KHDRBS2: variants seen among roughly 807,000 people sequenced by gnomAD.
KHDRBS2 encodes KH domain-containing, RNA-binding, signal transduction-associated protein 2.
In KHDRBS2, 26 loss-of-function variants were observed where a neutral mutation model predicts 44.3. The observed-to-expected ratio is 0.59, with a 90% confidence interval of 0.43 to 0.81. The LOEUF (loss-of-function observed/expected upper bound fraction) is 0.81. Among genes scored for constraint, KHDRBS2 ranks in the 40% least tolerant of loss-of-function variants. KHDRBS2 has a pLI of 0.00. For missense variants in KHDRBS2, 476 were observed against 433.1 expected, an observed-to-expected ratio of 1.10 and a Z score of -0.88; for synonymous variants, 194 against 151.1, an observed-to-expected ratio of 1.28 and a Z score of -2.08.
At chr6:62,053,917 T>C (rs930078531) in intron 2 of KHDRBS2, among the ~76,000 whole-genome samples, 2 of 152,036 alleles carry the variant, frequency 1.3e-5, no homozygotes, top group African/African-American at 4.8e-5. Flanking sequence ...GCCAGCAGCA[T>C]ATAATTAGAG....
At chr6:62,064,078 G>T (rs1010658403) in intron 2 of KHDRBS2, among the ~76,000 whole-genome samples, 3 of 120,896 alleles carry the variant, frequency 2.5e-5, no homozygotes, top group Admixed American at 1.9e-4. Context: ...TACAAGGGAC[G>T]TGAAGGACCT....
At chr6:61,862,253 G>C (rs549296316) in intron 6 of KHDRBS2, among the ~76,000 whole-genome samples, 11 of 152,124 alleles carry the variant, frequency 7.2e-5, no homozygotes, top group Non-Finnish European at 1.3e-4. Context: ...TAATCTTATT[G>C]TCATCTTCAA....
intron 6 of KHDRBS2, among the ~76,000 whole-genome samples, chr6:61,891,361 C>G (rs536667016): frequency 3.9e-5 from 6 of 152,106 alleles, no homozygotes; most frequent in African/African-American, 1.4e-4. Flanking sequence ...ATTTTTGCAT[C>G]GATGTTCATC....
At chr6:61,554,475 C>A in the KHDRBS2 span, among the ~76,000 whole-genome samples, 1 of 152,020 alleles carries the variant, frequency 6.6e-6, no homozygotes, top group African/African-American at 2.4e-5. Flanking sequence ...TCAATCTACA[C>A]CTTTCAATTT....
intron 2 of KHDRBS2, among the ~76,000 whole-genome samples, chr6:62,163,308 T>G (rs1035333544): frequency 6.6e-6 from 1 of 151,930 alleles, no homozygotes. Flanking sequence ...CAGTGGAAAC[T>G]TACAGGAATA....
chr6:61,634,070 TTAAGTC>T, the KHDRBS2 span, among the ~76,000 whole-genome samples: 1 of 152,102 alleles, frequency 6.6e-6, no homozygotes, highest in Non-Finnish European at 1.5e-5. Context: ...TACGTATGCT[TTAAGTC>T]TAAGTCAGAG....
intron 1 of KHDRBS2, among the ~76,000 whole-genome samples, chr6:62,209,693 C>T (rs1219976334): frequency 6.6e-6 from 1 of 152,170 alleles, no homozygotes; most frequent in Non-Finnish European, 1.5e-5. Flanking sequence ...CACCCTCAAT[C>T]TGGATTGGCA....
At chr6:61,899,848 C>T (rs1474959368) in intron 5 of KHDRBS2, among the ~76,000 whole-genome samples, 1 of 149,758 alleles carries the variant, frequency 6.7e-6, no homozygotes, top group African/African-American at 2.4e-5. Flanking sequence ...ATTTGTTGAA[C>T]TACAAAAGTT....
intron 7 of KHDRBS2, among the ~76,000 whole-genome samples, chr6:61,698,926 GACCAGGGACC>G (rs932264348): frequency 2.0e-5 from 3 of 152,018 alleles, no homozygotes; most frequent in African/African-American, 7.2e-5. Flanking sequence ...AGTCTATTTA[GACCAGGGACC>G]ACCTACCTTG....
intron 7 of KHDRBS2, among the ~76,000 whole-genome samples, chr6:61,726,020 C>T (rs1457897741): frequency 1.3e-5 from 2 of 152,068 alleles, no homozygotes; most frequent in Non-Finnish European, 2.9e-5. Context: ...GGCCAATATC[C>T]CTGCTGAACA....
chr6:61,554,776 T>G, the KHDRBS2 span, among the ~76,000 whole-genome samples: 5 of 152,176 alleles, frequency 3.3e-5, no homozygotes, highest in African/African-American at 1.2e-4. Flanking sequence ...AAGCTTACTT[T>G]GGCTGGATAC....
At chr6:61,774,602 G>T (rs983734706) in intron 6 of KHDRBS2, among the ~76,000 whole-genome samples, 2 of 152,112 alleles carry the variant, frequency 1.3e-5, no homozygotes, top group African/African-American at 4.8e-5. Context: ...ACGAGAAGTT[G>T]AATCTCTGAA....
At chr6:62,109,484 C>T (rs1261120308) in intron 2 of KHDRBS2, among the ~76,000 whole-genome samples, 1 of 151,760 alleles carries the variant, frequency 6.6e-6, no homozygotes, top group African/African-American at 2.4e-5. Flanking sequence ...AGAAAAAAGC[C>T]ATTCAGGTTA....
At chr6:62,226,015 T>C (rs1289537178) in intron 1 of KHDRBS2, among the ~76,000 whole-genome samples, 1 of 152,228 alleles carries the variant, frequency 6.6e-6, no homozygotes, top group Non-Finnish European at 1.5e-5. Context: ...CATGTGTCTT[T>C]ATAGTAGAAT....
chr6:62,143,244 G>T (rs1332021295), intron 2 of KHDRBS2, among the ~76,000 whole-genome samples: 2 of 151,788 alleles, frequency 1.3e-5, no homozygotes, highest in East Asian at 1.9e-4. Context: ...AAGCTGATGG[G>T]TATAATTCCT....
At chr6:61,900,857 C>T (rs1433414782) in intron 5 of KHDRBS2, among the ~76,000 whole-genome samples, 1 of 152,148 alleles carries the variant, frequency 6.6e-6, no homozygotes, top group Non-Finnish European at 1.5e-5. Flanking sequence ...ATAGTTGTAT[C>T]ATGCGTGTGT....
chr6:61,841,543 T>C (rs1738427136), intron 6 of KHDRBS2, among the ~76,000 whole-genome samples: 1 of 152,184 alleles, frequency 6.6e-6, no homozygotes, highest in Non-Finnish European at 1.5e-5. Flanking sequence ...CATTAATAAA[T>C]ATTTATTAGA....
intron 1 of KHDRBS2, among the ~76,000 whole-genome samples, chr6:62,204,597 G>A (rs1827630701): frequency 6.6e-6 from 1 of 152,082 alleles, no homozygotes; most frequent in African/African-American, 2.4e-5. Context: ...TCAGATTTTG[G>A]ATTTTCAGAT....
At chr6:61,604,087 A>C in the KHDRBS2 span, among the ~76,000 whole-genome samples, 1 of 152,254 alleles carries the variant, frequency 6.6e-6, no homozygotes, top group Non-Finnish European at 1.5e-5. Context: ...TTGCTCTTGC[A>C]AAAGGACTAT....
Sources: allele counts gnomAD v4.1 joint callset (sites outside exome capture counted in the v4.1 genomes callset), GRCh38; gene constraint gnomAD v4.1.1; transcripts MANE v1.5; gene names NCBI Gene and HGNC (gene_info 2026-07-23, HGNC 2026-07-21).